RPS6KC1: variants seen among roughly 807,000 people sequenced by gnomAD.
RPS6KC1 encodes inactive ribosomal protein S6 kinase delta-1.
A neutral mutation model predicts 103.8 loss-of-function variants in RPS6KC1; 54 were observed. That is an observed-to-expected ratio of 0.52 (90% CI 0.42 to 0.65). The LOEUF is 0.65. RPS6KC1 is among the 30% of genes least tolerant of loss of function. RPS6KC1 has a pLI of 0.00. For missense variants in RPS6KC1, 1,151 were observed against 1,253.8 expected, an observed-to-expected ratio of 0.92 and a Z score of 1.24; for synonymous variants, 439 against 438.7, an observed-to-expected ratio of 1.00 and a Z score of -0.01.
chr1:213,572,173 C>T, the RPS6KC1 span, among the ~76,000 whole-genome samples: 2 of 152,130 alleles, frequency 1.3e-5, no homozygotes, highest in Non-Finnish European at 2.9e-5. Context: ...GACATAGCTG[C>T]CTGCTTCAGA....
chr1:213,354,198 T>C, the RPS6KC1 span, among the ~76,000 whole-genome samples: 2 of 152,256 alleles, frequency 1.3e-5, no homozygotes, highest in African/African-American at 4.8e-5. Context: ...CCTAAGGGTT[T>C]GTTGGAAGAA....
chr1:213,395,845 A>G, the RPS6KC1 span, among the ~76,000 whole-genome samples: 1 of 152,222 alleles, frequency 6.6e-6, no homozygotes, highest in Non-Finnish European at 1.5e-5. Context: ...AGCAGTGACA[A>G]CCAACACTCA....
the RPS6KC1 span, among the ~76,000 whole-genome samples, chr1:213,779,264 C>T: frequency 7.8e-4 from 118 of 152,220 alleles, no homozygotes; most frequent in African/African-American, 2.7e-3. Flanking sequence ...AACTGAACAC[C>T]TGGAGGAAAA....
chr1:213,691,621 T>G, the RPS6KC1 span, among the ~76,000 whole-genome samples: 1 of 152,154 alleles, frequency 6.6e-6, no homozygotes, highest in Non-Finnish European at 1.5e-5. Context: ...AACTGTGTGG[T>G]TGACCTGGGA....
At chr1:213,244,692 A>G (rs1052859249) in intron 12 of RPS6KC1, among the ~76,000 whole-genome samples, 14 of 152,190 alleles carry the variant, frequency 9.2e-5, no homozygotes, top group Non-Finnish European at 1.6e-4. Flanking sequence ...ATATACTGAA[A>G]TACCGAATTT....
At chr1:213,313,163 C>T in the RPS6KC1 span, among the ~76,000 whole-genome samples, 7 of 152,074 alleles carry the variant, frequency 4.6e-5, no homozygotes, top group Admixed American at 4.6e-4. Flanking sequence ...CCAAAGCTCA[C>T]GAAAATGAAA....
the RPS6KC1 span, among the ~76,000 whole-genome samples, chr1:213,354,984 G>C: frequency 1.9e-3 from 288 of 152,288 alleles, no homozygotes; most frequent in African/African-American, 6.7e-3. Context: ...TTGGGAGGCC[G>C]AGGTGGGCGG....
At chr1:213,763,262 G>A in the RPS6KC1 span, among the ~76,000 whole-genome samples, 191 of 152,314 alleles carry the variant, frequency 1.3e-3, no homozygotes, top group African/African-American at 4.3e-3. Flanking sequence ...ACCAAACGAC[G>A]AGAGTCCCTT....
the RPS6KC1 span, among the ~76,000 whole-genome samples, chr1:213,627,584 T>G: frequency 6.6e-6 from 1 of 152,316 alleles, no homozygotes; most frequent in South Asian, 2.1e-4. Context: ...CTTATTATTT[T>G]GTGATATGTC....
At chr1:213,842,540 CA>C in the RPS6KC1 span, among the ~76,000 whole-genome samples, 2 of 152,154 alleles carry the variant, frequency 1.3e-5, no homozygotes, top group Non-Finnish European at 2.9e-5. Flanking sequence ...ATTACAAATT[CA>C]GCATGAGAAC....
chr1:213,075,070 C>G (rs2079203909), intron 2 of RPS6KC1, among the ~76,000 whole-genome samples: 1 of 151,796 alleles, frequency 6.6e-6, no homozygotes, highest in Non-Finnish European at 1.5e-5. Context: ...CCAGGATGGT[C>G]TCAATCTCCT....
the RPS6KC1 span, among the ~76,000 whole-genome samples, chr1:213,451,888 C>T: frequency 6.6e-6 from 1 of 152,162 alleles, no homozygotes; most frequent in Non-Finnish European, 1.5e-5. Flanking sequence ...GGAATTCCCC[C>T]CTCCAGTAGC....
chr1:213,590,727 A>G, the RPS6KC1 span, among the ~76,000 whole-genome samples: 1 of 151,982 alleles, frequency 6.6e-6, no homozygotes, highest in Non-Finnish European at 1.5e-5. Flanking sequence ...TCCAGAGAGG[A>G]CTAACATCCT....
the RPS6KC1 span, among the ~76,000 whole-genome samples, chr1:213,475,959 A>G: frequency 6.6e-6 from 1 of 152,238 alleles, no homozygotes; most frequent in African/African-American, 2.4e-5. Flanking sequence ...TCCCCATTGC[A>G]GTGGAGTGGC....
chr1:213,249,730 G>A (rs911217251), intron 12 of RPS6KC1, among the ~76,000 whole-genome samples: 1 of 152,206 alleles, frequency 6.6e-6, no homozygotes, highest in Non-Finnish European at 1.5e-5. Context: ...GGGTGAGAGA[G>A]TAAGCAAGAT....
the RPS6KC1 span, among the ~76,000 whole-genome samples, chr1:213,707,515 A>C: frequency 6.6e-6 from 1 of 152,032 alleles, no homozygotes; most frequent in East Asian, 1.9e-4. Flanking sequence ...CACTCAGATG[A>C]TAGTTTCTAT....
intron 6 of RPS6KC1, among the ~76,000 whole-genome samples, chr1:213,152,992 C>A (rs1052280246): frequency 2.0e-5 from 3 of 152,312 alleles, no homozygotes; most frequent in Non-Finnish European, 4.4e-5. Flanking sequence ...AATCCCGGCA[C>A]CTCAGGAGGC....
At chr1:213,153,512 T>C (rs2089506156) in intron 6 of RPS6KC1, among the ~76,000 whole-genome samples, 1 of 152,222 alleles carries the variant, frequency 6.6e-6, no homozygotes, top group African/African-American at 2.4e-5. Flanking sequence ...TTAAACATTT[T>C]GTTGTTTCTG....
At chr1:213,191,079 G>A (rs1304497439) in intron 8 of RPS6KC1, among the ~76,000 whole-genome samples, 1 of 152,118 alleles carries the variant, frequency 6.6e-6, no homozygotes, top group African/African-American at 2.4e-5. Flanking sequence ...GTAATGTAAT[G>A]TGTTTCTTCC....
Sources: gnomAD v4.1 joint callset for allele counts (sites outside exome capture counted in the v4.1 genomes callset) on GRCh38, gnomAD v4.1.1 for gene constraint, MANE v1.5 for transcripts, NCBI Gene and HGNC (gene_info 2026-07-23, HGNC 2026-07-21) for gene names.